Variants in BPTF observed in about 807,000 individuals in gnomAD.
BPTF encodes bromodomain PHD finger transcription factor.
BPTF carries 18 observed loss-of-function variants against 292.5 expected under a neutral mutation model. The observed-to-expected ratio is 0.06, with a 90% CI of 0.04 to 0.09. The LOEUF is 0.09. Ranked by LOEUF, BPTF falls within the 10% of genes least tolerant of loss-of-function variation. The pLI is 1.00. For synonymous variants in BPTF, 1,225 were observed against 1,251.9 expected (o/e 0.98, Z 0.45); for missense variants, 2,726 against 3,498.7 (o/e 0.78, Z 5.57).
intron 7 of BPTF, among the ~76,000 whole-genome samples, chr17:67,899,611 A>G (rs923848409): frequency 2.7e-5 from 4 of 150,338 alleles, no homozygotes; most frequent in African/African-American, 4.9e-5. Flanking sequence ...GCTCACTGCA[A>G]CCTCCACCTC....
intron 26 of BPTF, chr17:67,973,975 A>T (rs2069098798): frequency 6.6e-6 from 1 of 152,032 alleles, no homozygotes; most frequent in South Asian, 2.1e-4. Flanking sequence ...CAGCTTTAGA[A>T]TATTTTTTAA....
At chr17:67,832,819 G>T (rs1298788845) in intron 1 of BPTF, among the ~76,000 whole-genome samples, 1 of 123,796 alleles carries the variant, frequency 8.1e-6, no homozygotes, top group African/African-American at 3.2e-5. Flanking sequence ...GCAGAGTCTC[G>T]CTCTGTCACC....
chr17:67,869,700 C>A (rs1297115515), intron 3 of BPTF, among the ~76,000 whole-genome samples: 8 of 151,644 alleles, frequency 5.3e-5, no homozygotes, highest in Non-Finnish European at 1.0e-4. Context: ...ATTAGTTAAA[C>A]CGGCAGGGCA....
At chr17:67,967,915 A>G (rs1555688438) in intron 26 of BPTF, among the ~76,000 whole-genome samples, 3 of 151,470 alleles carry the variant, frequency 2.0e-5, no homozygotes, top group African/African-American at 7.3e-5. Context: ...GCTTTATAAA[A>G]GAATGAATGA....
At chr17:67,914,929 T>TATTTGAGAGAAGC (rs374336120) in intron 11 of BPTF, among the ~76,000 whole-genome samples, 7 of 152,328 alleles carry the variant, frequency 4.6e-5, no homozygotes, top group African/African-American at 1.7e-4. Context: ...TGCCAAAACA[T>TATTTGAGAGAAGC]ATTTGAGAGA....
rs370076082 is a variant in BPTF at position 67,893,375 on chromosome 17, G to C, written c.2061G>C (p.Leu687=). Residue 687 remains leucine, a synonymous_variant, in exon 6 of 28, where the codon CTG becomes CTC. Coordinates refer to ENST00000306378, the MANE Select transcript of BPTF (RefSeq NM_182641.4). ...NKLFKEGKEV[L]VVNSQGEISR... is the part of the protein sequence containing the mutation. ...CTTTTTATTTTTTTGGTCAGGTACT[G>C]GTAGTTAACTCTCAAGGAGAAATTT... is the stretch of plus-strand genomic sequence containing the variant. 4.2e-4 allele frequency: 683 copies of C among 1,611,160 alleles called. No individual in the cohort carries two copies. The highest frequency in any genetic ancestry group is 5.4e-4 in the Non-Finnish European group (636 of 1,177,444).
chr17:67,942,276 C>G (rs1555672279), intron 19 of BPTF, among the ~76,000 whole-genome samples: 1 of 151,812 alleles, frequency 6.6e-6, no homozygotes, highest in Admixed American at 6.6e-5. Context: ...AGATATACCA[C>G]TGCACTCCAA....
At chr17:67,978,730 A>G (rs2069897913) in intron 27 of BPTF, among the ~76,000 whole-genome samples, 1 of 152,130 alleles carries the variant, frequency 6.6e-6, no homozygotes, top group African/African-American at 2.4e-5. Flanking sequence ...AGAATGGAGC[A>G]CTCCCCAGAG....
At chr17:67,897,854 G>T (rs1038675588) in intron 7 of BPTF, among the ~76,000 whole-genome samples, 1 of 152,114 alleles carries the variant, frequency 6.6e-6, no homozygotes. Flanking sequence ...TAGGAAACTT[G>T]ATAAATAGAA....
rs1197783990 is a variant in BPTF at position 67,964,484 on chromosome 17, C to G, written c.8454+80C>G. 4.2e-6 allele frequency: 6 copies of G among 1,444,836 alleles called. No homozygotes were observed. The Admixed American group carries it at 1.3e-4, about 32-fold the overall frequency. 89.5% of individuals were successfully genotyped at this position (1,444,836 alleles called of 1,614,324 possible). A position where few individuals can be genotyped will look rare whatever the true frequency, so the allele number is the denominator to read the frequency against. On this transcript the variant is annotated intron_variant, in intron 25 of 27. Transcript: ENST00000306378. ...GAAGCATTTCTAGGATTTCAAGTTT[C>G]CAATCTTAGAATGATTATTTACTGA...
At chr17:67,892,668 A>G (rs6504549) in intron 5 of BPTF, among the ~76,000 whole-genome samples, 51,989 of 152,132 alleles carry the variant, frequency 0.34, 11,235 homozygotes, top group East Asian at 0.67. Context: ...CTTAAAAGCA[A>G]TGGCTTTCAT....
intron 24 of BPTF, among the ~76,000 whole-genome samples, chr17:67,961,234 C>A (rs1235697681): frequency 6.6e-6 from 1 of 152,158 alleles, no homozygotes; most frequent in Non-Finnish European, 1.5e-5. Flanking sequence ...CACACAGATA[C>A]ATGTGCCCAT....
At chr17:67,888,103 A>G (rs999259139) in intron 4 of BPTF, among the ~76,000 whole-genome samples, 9 of 152,236 alleles carry the variant, frequency 5.9e-5, no homozygotes, top group African/African-American at 2.2e-4. Flanking sequence ...CTACACTTCC[A>G]TCCTTTGGTA....
chr17:67,938,614 T>G (rs986164179), intron 18 of BPTF, among the ~76,000 whole-genome samples: 1 of 152,206 alleles, frequency 6.6e-6, no homozygotes, highest in Admixed American at 6.5e-5. Context: ...AATAATTGGC[T>G]TATAGTTTGG....
intron 1 of BPTF, among the ~76,000 whole-genome samples, chr17:67,848,536 A>G (rs1410367272): frequency 6.6e-6 from 1 of 152,240 alleles, no homozygotes; most frequent in Admixed American, 6.5e-5. Context: ...AGGGTTTCTC[A>G]GAATTTCAGC....
intron 14 of BPTF, among the ~76,000 whole-genome samples, chr17:67,923,828 A>G (rs1224139965): frequency 1.3e-5 from 2 of 151,628 alleles, no homozygotes; most frequent in Non-Finnish European, 2.9e-5. Flanking sequence ...TCTAATGACC[A>G]TAAATGTTTT....
At chr17:67,858,761 A>G (rs1162873721) in intron 2 of BPTF, among the ~76,000 whole-genome samples, 1 of 152,146 alleles carries the variant, frequency 6.6e-6, no homozygotes, top group African/African-American at 2.4e-5. Flanking sequence ...AAGTAAGTGA[A>G]ATTTAGTCCA....
chr17:67,825,859 C>T lies in BPTF; in HGVS notation c.135C>T (p.Gly45=), dbSNP rs906413939. ...PIGGLRSRHR[G]SSRGRWAAAQ... is the part of the protein sequence containing the mutation. ...GGGGGCTCCGCTCGCGGCACCGCGG[C>T]AGCAGCCGGGGCAGGTGGGCCGCCG... Residue 45 remains glycine, a synonymous_variant, in exon 1 of 28, where the codon GGC becomes GGT. Transcript: ENST00000306378. 3.9e-3 allele frequency: 3,929 copies of T among 1,013,984 alleles called. 3 individuals are homozygous for T. The highest frequency in any genetic ancestry group is 4.3e-3 in the Non-Finnish European group (3,657 of 850,504). 62.8% of individuals were successfully genotyped at this position (1,013,984 alleles called of 1,614,324 possible). A position where few individuals can be genotyped will look rare whatever the true frequency, so the allele number is the denominator to read the frequency against.
Position 67,982,418 on chromosome 17 carries a change from T to A in BPTF, c.*130T>A. ...TTGACCTAAACTTCGTTTTTATTGG[T>A]CATAACAGTCCAATTATATTCTTGG... On this transcript the variant is annotated 3_prime_UTR_variant, in exon 28 of 28. Coordinates refer to ENST00000306378, the MANE Select transcript of BPTF (RefSeq NM_182641.4). 1 of 777,458 alleles carries A rather than the reference T, an allele frequency of 1.3e-6. No homozygotes were observed. Among genetic ancestry groups the A allele is most frequent in the Non-Finnish European group, 2.0e-6 (1 of 497,176 alleles). 48.2% of individuals were successfully genotyped at this position (777,458 alleles called of 1,614,324 possible).
Sources: allele counts gnomAD v4.1 joint callset (sites outside exome capture counted in the v4.1 genomes callset), GRCh38; gene constraint gnomAD v4.1.1; transcripts MANE v1.5; gene names NCBI Gene and HGNC (gene_info 2026-07-23, HGNC 2026-07-21).